SLC9C1: variants seen among roughly 807,000 people sequenced by gnomAD.
The protein encoded by SLC9C1 is sodium/hydrogen exchanger 10.
In SLC9C1, 97 loss-of-function variants were observed where a neutral mutation model predicts 140.9. The ratio of observed to expected loss-of-function variants is 0.69; its 90% CI spans 0.58 to 0.82. The LOEUF is 0.82. SLC9C1 is among the 40% of genes least tolerant of loss of function. The probability of loss-of-function intolerance (pLI) is 0.00; values close to 1 mark genes in which losing one functional copy is unlikely to be tolerated. For synonymous variants in SLC9C1, 440 were observed against 442.6 expected (o/e 0.99, Z 0.07); for missense variants, 1,340 against 1,389.3 (o/e 0.96, Z 0.56).
At chr3:112,288,661 G>C (rs922527396) in intron 1 of SLC9C1, among the ~76,000 whole-genome samples, 5 of 152,184 alleles carry the variant, frequency 3.3e-5, no homozygotes, top group African/African-American at 1.2e-4. Context: ...GGCTGAGGGG[G>C]TGGTGGGACA....
intron 2 of SLC9C1, among the ~76,000 whole-genome samples, chr3:112,281,954 C>T (rs73853388): frequency 3.3e-5 from 5 of 152,268 alleles, no homozygotes; most frequent in African/African-American, 9.6e-5. Context: ...CCCACAGTGG[C>T]GGATCATCCA....
At chr3:112,272,860 G>GTACA (rs1335819878) in intron 6 of SLC9C1, among the ~76,000 whole-genome samples, 3 of 152,234 alleles carry the variant, frequency 2.0e-5, no homozygotes, top group African/African-American at 7.2e-5. Context: ...TTCTCACATA[G>GTACA]TACATATTAA....
intron 20 of SLC9C1, chr3:112,185,777 G>A (rs1209500773): frequency 1.0e-5 from 16 of 1,549,076 alleles, no homozygotes; most frequent in African/African-American, 4.1e-5. Context: ...GCGTCCGCAC[G>A]ATGCGGCTGC....
chr3:112,256,700 C>A (rs9828290), intron 10 of SLC9C1, among the ~76,000 whole-genome samples: 44,887 of 151,938 alleles, frequency 0.3, 6,823 homozygotes, highest in East Asian at 0.36. Flanking sequence ...CATTATAGTA[C>A]CGGAAGTCCT....
intron 26 of SLC9C1, 50 bp from the exon 27 acceptor site, chr3:112,155,099 A>G (rs2075093451): frequency 2.7e-6 from 4 of 1,497,926 alleles, no homozygotes; most frequent in Non-Finnish European, 2.7e-6. Flanking sequence ...GAAGCAAGTG[A>G]CTATTTCTAT....
chr3:112,227,654 T>G (rs1417598809), intron 13 of SLC9C1, among the ~76,000 whole-genome samples: 1 of 152,124 alleles, frequency 6.6e-6, no homozygotes, highest in African/African-American at 2.4e-5. Flanking sequence ...GTTAAAATCT[T>G]ATATTTAGGA....
rs2080281207 is a variant in SLC9C1 at position 112,278,717 on chromosome 3, A to C, written c.318+12T>G. ...TCATGAATGAATGATATTACCAAAA[A>C]AGAATGCTTACCTGCCAAAATAACT... is the stretch of plus-strand genomic sequence containing the variant. On this transcript the variant is annotated intron_variant, in intron 4 of 28. Coordinates refer to ENST00000305815, the MANE Select transcript of SLC9C1 (RefSeq NM_183061.3). The C allele has an allele frequency of 6.3e-7, 1 of 1,584,758 alleles. No homozygotes were observed. Among genetic ancestry groups the C allele is most frequent in the Non-Finnish European group, 8.5e-7 (1 of 1,171,904 alleles).
At chr3:112,252,387 T>C (rs2079486647) in intron 10 of SLC9C1, among the ~76,000 whole-genome samples, 1 of 151,764 alleles carries the variant, frequency 6.6e-6, no homozygotes, top group Non-Finnish European at 1.5e-5. Flanking sequence ...CTCCCTGGGA[T>C]GGGGCTACCA....
At chr3:112,165,612 C>G (rs191402865) in intron 26 of SLC9C1, among the ~76,000 whole-genome samples, 5 of 152,180 alleles carry the variant, frequency 3.3e-5, no homozygotes, top group Non-Finnish European at 7.4e-5. Context: ...AATGTTGCTA[C>G]CTGATCGTTC....
chr3:112,164,413 G>T (rs28850907), intron 26 of SLC9C1, among the ~76,000 whole-genome samples: 1 of 70,606 alleles, frequency 1.4e-5, no homozygotes, highest in Non-Finnish European at 2.9e-5. Flanking sequence ...GCTGGTACCG[G>T]TTGTTCCTTT....
chr3:112,286,640 A>T (rs2080515534), intron 2 of SLC9C1, 64 bp downstream of exon 2: 2 of 1,371,776 alleles, frequency 1.5e-6, no homozygotes, highest in African/African-American at 2.9e-5. Flanking sequence ...CCTTAATTCT[A>T]TATGGTAGCA....
At chr3:112,183,357 T>TTTTTTTTTTTTTTTTTTG (rs2077476792) in intron 20 of SLC9C1, among the ~76,000 whole-genome samples, 1 of 61,600 alleles carries the variant, frequency 1.6e-5, no homozygotes, top group Non-Finnish European at 4.4e-5. Flanking sequence ...TTCTTTTTTT[T>TTTTTTTTTTTTTTTTTTG]TTTTTTTTTT....
At chr3:112,272,982 C>T (rs7642447) in intron 6 of SLC9C1, among the ~76,000 whole-genome samples, 44,827 of 151,826 alleles carry the variant, frequency 0.3, 6,811 homozygotes, top group East Asian at 0.36. Flanking sequence ...GATTAGCCTG[C>T]AGATGTCATT....
chr3:112,209,067 G>A (rs6805466), intron 15 of SLC9C1, among the ~76,000 whole-genome samples: 114,606 of 151,832 alleles, frequency 0.75, 43,644 homozygotes, highest in East Asian at 0.99. Context: ...AAGTAGTATA[G>A]TAATACACTA....
intron 12 of SLC9C1, among the ~76,000 whole-genome samples, chr3:112,235,898 A>T (rs6768019): frequency 1.3e-5 from 2 of 151,960 alleles, no homozygotes; most frequent in African/African-American, 2.4e-5. Context: ...TTTTTGCATC[A>T]ATGTTCATCA....
intron 13 of SLC9C1, among the ~76,000 whole-genome samples, chr3:112,223,459 T>G (rs550615135): frequency 1.3e-5 from 2 of 152,338 alleles, no homozygotes; most frequent in African/African-American, 2.4e-5. Flanking sequence ...GTGTCTACTC[T>G]AAAAGTACAT....
intron 13 of SLC9C1, among the ~76,000 whole-genome samples, chr3:112,228,831 G>A (rs1003946005): frequency 6.6e-6 from 1 of 152,164 alleles, no homozygotes; most frequent in South Asian, 2.1e-4. Flanking sequence ...ACCATAATGA[G>A]ATATTATCTT....
chr3:112,275,320 A>T (rs2080185072), intron 5 of SLC9C1, among the ~76,000 whole-genome samples: 1 of 152,182 alleles, frequency 6.6e-6, no homozygotes, highest in Non-Finnish European at 1.5e-5. Context: ...GATAAATCAG[A>T]TATATTTAAG....
rs774538109 is a variant in SLC9C1 at position 112,286,740 on chromosome 3, C to A, written c.52G>T (p.Val18Phe). Residue 18 changes from valine (V) to phenylalanine (F), a missense_variant, in exon 2 of 29, where the codon GTC becomes TTC. Transcript: ENST00000305815. ...FFFSTEDLPE[V>F]ILTLSLISSI... is the part of the protein sequence containing the mutation. ...CTGATCAAAGACAATGTTAGAATGA[C>A]TTCAGGGAGGTCCTCAGTACTGAAA... The A allele has an allele frequency of 9.3e-6, 15 of 1,613,054 alleles. No homozygotes were observed. The South Asian group carries it at 1.7e-4, about 18-fold the overall frequency.
Sources: allele counts gnomAD v4.1 joint callset (sites outside exome capture counted in the v4.1 genomes callset), GRCh38; gene constraint gnomAD v4.1.1; transcripts MANE v1.5; gene names NCBI Gene and HGNC (gene_info 2026-07-23, HGNC 2026-07-21).